FMR1NB: variants seen among roughly 807,000 people sequenced by gnomAD.
FMR1NB encodes the protein FMR1 neighbor protein.
In FMR1NB, 10 loss-of-function variants were observed where a neutral mutation model predicts 16.8. That is an observed-to-expected ratio of 0.60 (90% CI 0.37 to 1.01). FMR1NB has a LOEUF of 1.01. Ranked by LOEUF, FMR1NB falls within the 50% of genes least tolerant of loss-of-function variation. FMR1NB has a pLI of 0.01. For synonymous variants in FMR1NB, 83 were observed against 79.1 expected (o/e 1.05, Z -0.26); for missense variants, 205 against 204.8 (o/e 1.00, Z 0.00).
At chrX:148,012,388 A>C (rs2044629740) in intron 4 of FMR1NB, among the ~76,000 whole-genome samples, 1 of 112,013 alleles carries the variant, frequency 8.9e-6, no homozygotes, top group Admixed American at 9.5e-5. Context: ...GGTAAGGTGG[A>C]AAATTTAAAC....
intron 4 of FMR1NB, among the ~76,000 whole-genome samples, chrX:148,012,386 G>A (rs192794285): frequency 3.6e-5 from 4 of 111,552 alleles, no homozygotes; most frequent in Non-Finnish European, 7.5e-5. Flanking sequence ...TTGGTAAGGT[G>A]GAAAATTTAA....
intron 4 of FMR1NB, among the ~76,000 whole-genome samples, chrX:148,024,598 T>A (rs1256054792): frequency 3.6e-5 from 4 of 111,803 alleles, no homozygotes; most frequent in Non-Finnish European, 7.5e-5. Context: ...AACATTGATG[T>A]CAGCACAGGG....
intron 4 of FMR1NB, among the ~76,000 whole-genome samples, chrX:148,024,197 T>G (rs782487269): frequency 5.4e-4 from 61 of 112,169 alleles, no homozygotes; most frequent in African/African-American, 1.9e-3. Flanking sequence ...TCTCCATTAC[T>G]AGTTATCTGT....
intron 3 of FMR1NB, chrX:148,007,981 T>C (rs782568527): frequency 8.9e-6 from 1 of 112,553 alleles, no homozygotes; most frequent in South Asian, 3.7e-4. Flanking sequence ...TAACTGTGAC[T>C]TACAATTCCC....
chrX:148,023,885 G>A (rs782467253), intron 4 of FMR1NB, among the ~76,000 whole-genome samples: 1 of 111,244 alleles, frequency 9.0e-6, no homozygotes, highest in Non-Finnish European at 1.9e-5. Context: ...TTGTACTTTA[G>A]ATTTAGGTAG....
At chrX:148,011,575 G>A (rs782574624) in intron 4 of FMR1NB, among the ~76,000 whole-genome samples, 1 of 111,494 alleles carries the variant, frequency 9.0e-6, no homozygotes, top group Admixed American at 9.5e-5. Context: ...GGACTAAAAT[G>A]GATGGTAGCA....
chrX:147,992,192 T>C (rs1335051354), intron 1 of FMR1NB, among the ~76,000 whole-genome samples: 1 of 104,721 alleles, frequency 9.5e-6, no homozygotes, highest in African/African-American at 3.6e-5. Context: ...CCAGACGGGG[T>C]GGTGGCCGGG....
chrX:147,999,046 A>T (rs1053409400), intron 1 of FMR1NB, among the ~76,000 whole-genome samples: 5 of 111,888 alleles, frequency 4.5e-5, no homozygotes, highest in African/African-American at 1.6e-4. Context: ...TATGCCAGAA[A>T]CTTGGAGGGT....
At chrX:147,990,803 C>G (rs1223979960) in intron 1 of FMR1NB, among the ~76,000 whole-genome samples, 1 of 110,609 alleles carries the variant, frequency 9.0e-6, no homozygotes, top group African/African-American at 3.3e-5. Context: ...ATGACTTTCT[C>G]TCATAGGTGA....
chrX:148,001,659 A>G (rs1275169615), intron 1 of FMR1NB, among the ~76,000 whole-genome samples: 1 of 110,794 alleles, frequency 9.0e-6, no homozygotes, highest in Non-Finnish European at 1.9e-5. Flanking sequence ...CCAAGGCACA[A>G]GAATCACTTG....
At position 148,003,242 on chromosome X, in the gene FMR1NB, A is replaced by C. The variant is rs782571623; in HGVS notation, c.319A>C (p.Asn107His). ...FVLANGHILPNSENAHGQSLE... is the reference protein window; with the variant it reads ...FVLANGHILPHSENAHGQSLE... ...GCTTGCAAATGGACATATCCTGCCC[A>C]ACAGTGAAAATGCTCATGGCCAATC... Residue 107 changes from asparagine to histidine, a missense_variant, in exon 2 of 6, where the codon AAC (asparagine) becomes CAC (histidine). Coordinates refer to ENST00000370467, the MANE Select transcript of FMR1NB (RefSeq NM_152578.3). 4 of 1,210,814 alleles carry C rather than the reference A, an allele frequency of 3.3e-6. No homozygotes were observed. In the Admixed American group the frequency reaches 8.7e-5, roughly 26 times the overall value.
intron 1 of FMR1NB, among the ~76,000 whole-genome samples, chrX:147,995,799 C>G (rs1377334828): frequency 8.9e-6 from 1 of 112,383 alleles, no homozygotes; most frequent in Non-Finnish European, 1.9e-5. Context: ...GGCTGCCTGC[C>G]GTGTACCTAA....
intron 4 of FMR1NB, among the ~76,000 whole-genome samples, chrX:148,016,750 A>G (rs2044651747): frequency 9.0e-6 from 1 of 111,225 alleles, no homozygotes; most frequent in Admixed American, 9.6e-5. Flanking sequence ...TAAAAACTCT[A>G]CCTCATAGTT....
At position 148,004,921 on chromosome X, in the gene FMR1NB, C is replaced by T. The variant is rs782216267; in HGVS notation, c.397+1601C>T. 5.3e-5 allele frequency among the ~76,000 whole-genome samples: 6 copies of T among 112,578 alleles called. No individual in the cohort carries two copies. In the East Asian group the frequency reaches 1.1e-3, roughly 21 times the overall value. Reference sequence around the variant, plus strand: ...TTTTTGTTTTTTTGAGACAGAGTCTCGCTCTGTTGCCAGGCTGGAGTGCAG... The same window carrying T: ...TTTTTGTTTTTTTGAGACAGAGTCTTGCTCTGTTGCCAGGCTGGAGTGCAG... On this transcript the variant is annotated intron_variant, in intron 2 of 5. Coordinates refer to ENST00000370467, the MANE Select transcript of FMR1NB (RefSeq NM_152578.3).
intron 4 of FMR1NB, among the ~76,000 whole-genome samples, chrX:148,017,768 C>T (rs2044657738): frequency 1.0e-5 from 1 of 95,811 alleles, no homozygotes; most frequent in Non-Finnish European, 2.1e-5. Context: ...CAATTCCCAC[C>T]TATGAGTGAG....
rs781932393 is a variant in FMR1NB, at chrX:148,024,863, A to G, written c.633-2A>G. On this transcript the variant is annotated splice_acceptor_variant, in intron 4 of 5. Transcript: ENST00000370467. LOFTEE classifies it high-confidence loss of function. ...GTTTCACTTGAACTTTTTATGTTAC[A>G]GCGAACCGGCCGATGATTTACAAAG... 2 of 1,208,627 alleles carry G rather than the reference A, an allele frequency of 1.7e-6. No homozygotes were observed. Among genetic ancestry groups the G allele is most frequent in the Admixed American group, 4.4e-5 (2 of 45,755 alleles).
intron 4 of FMR1NB, among the ~76,000 whole-genome samples, chrX:148,020,052 A>G (rs145928752): frequency 5.6e-4 from 63 of 112,377 alleles, no homozygotes; most frequent in East Asian, 2.3e-3. Context: ...GCCAAGAACT[A>G]GAGTCAAAAC....
intron 1 of FMR1NB, among the ~76,000 whole-genome samples, chrX:147,996,216 A>G (rs2044540850): frequency 8.9e-6 from 1 of 112,360 alleles, no homozygotes; most frequent in African/African-American, 3.2e-5. Context: ...TAAATTTAAA[A>G]TTGTAAGCAA....
At chrX:148,000,813 G>A (rs1386377903) in intron 1 of FMR1NB, among the ~76,000 whole-genome samples, 2 of 111,459 alleles carry the variant, frequency 1.8e-5, no homozygotes, top group Non-Finnish European at 3.8e-5. Flanking sequence ...TTAAAGTCAG[G>A]AATGACTCAA....
Sources: gnomAD v4.1 joint callset for allele counts (sites outside exome capture counted in the v4.1 genomes callset) on GRCh38, gnomAD v4.1.1 for gene constraint, MANE v1.5 for transcripts, NCBI Gene and HGNC (gene_info 2026-07-23, HGNC 2026-07-21) for gene names.